CEACAM6: variants seen among roughly 807,000 people sequenced by gnomAD.
The protein encoded by CEACAM6 is CEA cell adhesion molecule 6.
CEACAM6 carries 21 observed loss-of-function variants against 32.4 expected under a neutral mutation model. The ratio of observed to expected loss-of-function variants is 0.65; its 90% CI spans 0.46 to 0.93. CEACAM6 has a LOEUF of 0.93. Ranked by LOEUF, CEACAM6 falls within the 40% of genes least tolerant of loss-of-function variation. The pLI is 0.00. For missense variants in CEACAM6, 406 were observed against 432.2 expected (o/e 0.94, Z 0.54); for synonymous variants, 184 against 174.4 (o/e 1.06, Z -0.43).
chr19:41,763,964 TGAA>T (rs2072942763), intron 4 of CEACAM6, among the ~76,000 whole-genome samples: 1 of 152,244 alleles, frequency 6.6e-6, no homozygotes. Context: ...AACACTATGT[TGAA>T]GAGAAGTGGG....
intron 2 of CEACAM6, among the ~76,000 whole-genome samples, chr19:41,757,190 G>A (rs1422650042): frequency 2.0e-5 from 3 of 152,078 alleles, no homozygotes; most frequent in Admixed American, 2.0e-4. Flanking sequence ...GTCTGATGGG[G>A]GGACTCAGCA....
In CEACAM6 at chr19:41,756,702, A is replaced by G; in HGVS notation, c.167A>G (p.His56Arg). ...AEGKEVLLLAHNLPQNRIGYS... is the reference protein window; with the variant it reads ...AEGKEVLLLARNLPQNRIGYS... Reference sequence around the variant, plus strand: ...GGGAAGGAGGTTCTTCTACTCGCCCACAACCTGCCCCAGAATCGTATTGGT... The same window carrying G: ...GGGAAGGAGGTTCTTCTACTCGCCCGCAACCTGCCCCAGAATCGTATTGGT... Residue 56 changes from histidine to arginine, a missense_variant, in exon 2 of 6, where the codon CAC becomes CGC. Coordinates refer to ENST00000199764, the MANE Select transcript of CEACAM6 (RefSeq NM_002483.7). The G allele has an allele frequency of 6.2e-7, 1 of 1,614,146 alleles. No homozygotes were observed. Among genetic ancestry groups the G allele is most frequent in the Non-Finnish European group, 8.5e-7 (1 of 1,180,030 alleles).
In CEACAM6 at chr19:41,766,167, C is replaced by A; in HGVS notation, c.959-16C>A. On this transcript the variant is annotated splice_polypyrimidine_tract_variant and intron_variant, in intron 4 of 5. Coordinates refer to ENST00000199764, the MANE Select transcript of CEACAM6 (RefSeq NM_002483.7). The stretch of plus-strand genomic sequence containing the variant: ...GAATAACATCACCTTCATTCCTTCT[C>A]TCTTCTTCCCACAAGGAAGTGCTCC... The A allele has an allele frequency of 6.3e-7, 1 of 1,588,010 alleles. No homozygotes were observed. Among genetic ancestry groups the A allele is most frequent in the Non-Finnish European group, 8.6e-7 (1 of 1,166,358 alleles).
chr19:41,769,982 T>A (rs1367808636), intron 5 of CEACAM6, among the ~76,000 whole-genome samples: 6 of 151,342 alleles, frequency 4.0e-5, no homozygotes, highest in Non-Finnish European at 8.8e-5. Flanking sequence ...ATGTTATATT[T>A]GGGAATATAC....
chr19:41,760,004 T>C (rs374369679), intron 2 of CEACAM6, among the ~76,000 whole-genome samples: 3 of 152,300 alleles, frequency 2.0e-5, no homozygotes, highest in South Asian at 4.1e-4. Context: ...CTGCAAATAT[T>C]CAAAAATCCA....
chr19:41,756,929 G>A lies in CEACAM6; in HGVS notation c.394G>A (p.Glu132Lys). 6.2e-7 allele frequency: 1 copy of A among 1,612,726 alleles called. No individual in the cohort carries two copies. Among genetic ancestry groups the A allele is most frequent in the Non-Finnish European group, 8.5e-7 (1 of 1,179,166 alleles). Reference protein sequence around the residue: ...LQVIKSDLVNEEATGQFHVYP... With the variant: ...LQVIKSDLVNKEATGQFHVYP... ...AGTCATAAAGTCAGATCTTGTGAAT[G>A]AAGAAGCAACCGGACAGTTCCATGT... The change falls in exon 2 of 6, where the codon GAA (glutamate) becomes AAA (lysine). Residue 132 changes from glutamate to lysine, a missense_variant. Coordinates refer to ENST00000199764, the MANE Select transcript of CEACAM6 (RefSeq NM_002483.7).
At chr19:41,756,126 G>A (rs2072883546) in intron 1 of CEACAM6, among the ~76,000 whole-genome samples, 4 of 152,138 alleles carry the variant, frequency 2.6e-5, no homozygotes, top group African/African-American at 9.7e-5. Context: ...CATACAACAA[G>A]CATCAGACAA....
intron 4 of CEACAM6, among the ~76,000 whole-genome samples, chr19:41,763,472 G>C (rs2072938923): frequency 6.6e-6 from 1 of 152,188 alleles, no homozygotes; most frequent in African/African-American, 2.4e-5. Flanking sequence ...TACCCCAAAA[G>C]ACCAGGCAGT....
At chr19:41,758,522 T>C (rs2072903097) in intron 2 of CEACAM6, among the ~76,000 whole-genome samples, 1 of 152,126 alleles carries the variant, frequency 6.6e-6, no homozygotes, top group African/African-American at 2.4e-5. Context: ...CCCCATCTCA[T>C]GTGACTCTGG....
chr19:41,764,737 AT>A (rs1429279955), intron 4 of CEACAM6, among the ~76,000 whole-genome samples: 1 of 151,844 alleles, frequency 6.6e-6, no homozygotes, highest in Non-Finnish European at 1.5e-5. Context: ...CATTTTATTT[AT>A]TTCAGTTATA....
rs1261978063 is a variant in CEACAM6 at position 41,756,877 on chromosome 19, G to A, written c.342G>A (p.Gln114=). ...CCCTGCTGATCCAGAACGTCACCCA[G>A]AATGACACAGGATTCTATACCCTAC... ...NASLLIQNVT[Q]NDTGFYTLQV... Residue 114 remains glutamine (Q), a synonymous_variant, in exon 2 of 6, where the codon CAG becomes CAA. Transcript: ENST00000199764. The A allele has an allele frequency of 6.2e-7, 1 of 1,614,026 alleles. No homozygotes were observed. The highest frequency in any genetic ancestry group is 8.5e-7 in the Non-Finnish European group (1 of 1,180,020).
At chr19:41,770,299 T>G (rs553248449) in intron 5 of CEACAM6, among the ~76,000 whole-genome samples, 18 of 149,602 alleles carry the variant, frequency 1.2e-4, no homozygotes, top group Non-Finnish European at 2.4e-4. Context: ...GGCGGGCTCC[T>G]GTAATCCCAG....
chr19:41,769,832 A>G (rs1156556976), intron 5 of CEACAM6, among the ~76,000 whole-genome samples: 2 of 148,132 alleles, frequency 1.4e-5, no homozygotes, highest in Non-Finnish European at 3.0e-5. Flanking sequence ...TTATTATTTA[A>G]CGACTAATTG....
chr19:41,762,300 T>C, intron 4 of CEACAM6, 77 bp downstream of exon 4: 3 of 1,545,444 alleles, frequency 1.9e-6, no homozygotes, highest in South Asian at 2.5e-5. Context: ...GGAAGAAATT[T>C]TCTTTCCCAA....
chr19:41,764,383 C>G (rs2072944734), intron 4 of CEACAM6, among the ~76,000 whole-genome samples: 1 of 152,058 alleles, frequency 6.6e-6, no homozygotes, highest in African/African-American at 2.4e-5. Flanking sequence ...ACCCCCTGGG[C>G]TCAAGTGATC....
At chr19:41,768,547 C>G (rs1298360433) in intron 5 of CEACAM6, among the ~76,000 whole-genome samples, 1 of 152,260 alleles carries the variant, frequency 6.6e-6, no homozygotes, top group Non-Finnish European at 1.5e-5. Context: ...CTTTTCCCCA[C>G]CTTTCCCCCT....
At chr19:41,763,447 C>T (rs1413395420) in intron 4 of CEACAM6, among the ~76,000 whole-genome samples, 3 of 152,228 alleles carry the variant, frequency 2.0e-5, no homozygotes, top group Admixed American at 6.5e-5. Flanking sequence ...ACAGCACCTG[C>T]ATGTTCCAGG....
chr19:41,765,081 A>G (rs1283369448), intron 4 of CEACAM6, among the ~76,000 whole-genome samples: 2 of 152,236 alleles, frequency 1.3e-5, no homozygotes, highest in African/African-American at 4.8e-5. Context: ...AATATTAGCT[A>G]TTATTATTAC....
chr19:41,763,333 AC>A (rs2122924406), intron 4 of CEACAM6, among the ~76,000 whole-genome samples: 1 of 151,836 alleles, frequency 6.6e-6, no homozygotes, highest in South Asian at 2.1e-4. Flanking sequence ...TCCCGCTCAA[AC>A]CCCCATCCCC....
Sources: gnomAD v4.1 joint callset for allele counts (sites outside exome capture counted in the v4.1 genomes callset) on GRCh38, gnomAD v4.1.1 for gene constraint, MANE v1.5 for transcripts, NCBI Gene and HGNC (gene_info 2026-07-23, HGNC 2026-07-21) for gene names.